The following TTC28 variants were observed in gnomAD, a reference collection of about 807,000 sequenced individuals.
TTC28 encodes the protein tetratricopeptide repeat domain 28, also known as tetratricopeptide repeat protein 28.
In TTC28, 61 loss-of-function variants were observed where a neutral mutation model predicts 198.0. That is an observed-to-expected ratio of 0.31 (90% CI 0.25 to 0.38). The LOEUF is 0.38. Among genes scored for constraint, TTC28 ranks in the 10% least tolerant of loss-of-function variants. The pLI is 1.00. For missense variants in TTC28, 2,678 were observed against 3,164.0 expected (o/e 0.85, Z 3.69); for synonymous variants, 1,171 against 1,297.8 (o/e 0.90, Z 2.10).
Position 28,507,397 on chromosome 22 carries a change from TATG to T in TTC28, c.381+122152_381+122154del, listed in dbSNP as rs1371246364. 7.9e-5 allele frequency among the ~76,000 whole-genome samples: 12 copies of T among 152,152 alleles called. No homozygotes were observed. The East Asian group carries it at 2.1e-3, about 27-fold the overall frequency. On this transcript the variant is annotated intron_variant, in intron 2 of 22. Transcript: ENST00000397906. The stretch of plus-strand genomic sequence containing the variant: ...AAAAAGGAACAAAACCTCAAAGAAA[TATG>T]ATATTATGTAAAGAGACTGAACCTA...
At chr22:28,082,332 T>A (rs1305909220) in intron 12 of TTC28, among the ~76,000 whole-genome samples, 1 of 152,234 alleles carries the variant, frequency 6.6e-6, no homozygotes, top group Non-Finnish European at 1.5e-5. Context: ...TTGTTCCTGG[T>A]CTTACATGAA....
intron 2 of TTC28, among the ~76,000 whole-genome samples, chr22:28,375,669 T>C (rs1284084752): frequency 1.3e-5 from 2 of 152,208 alleles, no homozygotes; most frequent in Non-Finnish European, 2.9e-5. Flanking sequence ...CCTAGAGAAC[T>C]GTAAAGCATT....
chr22:28,126,379 G>A (rs932376001), intron 6 of TTC28, among the ~76,000 whole-genome samples: 1 of 152,072 alleles, frequency 6.6e-6, no homozygotes, highest in African/African-American at 2.4e-5. Context: ...ACAATCTCAC[G>A]GTATTTGAGG....
chr22:28,588,332 A>T (rs932224969), intron 2 of TTC28, among the ~76,000 whole-genome samples: 23 of 152,352 alleles, frequency 1.5e-4, no homozygotes, highest in African/African-American at 4.1e-4. Flanking sequence ...TTAAAATTTT[A>T]AAACACCACA....
At chr22:28,376,938 C>T (rs962641002) in intron 2 of TTC28, among the ~76,000 whole-genome samples, 3 of 151,992 alleles carry the variant, frequency 2.0e-5, no homozygotes. Flanking sequence ...CTCATAGAAA[C>T]AGGAATGGTC....
At chr22:28,281,929 G>C (rs1478509424) in intron 5 of TTC28, among the ~76,000 whole-genome samples, 2 of 152,050 alleles carry the variant, frequency 1.3e-5, no homozygotes, top group South Asian at 2.1e-4. Context: ...CCCTTTACAG[G>C]ATTTCCCATC....
chr22:28,107,309 T>A lies in TTC28; in HGVS notation c.2536A>T (p.Asn846Tyr). 3.2e-6 allele frequency: 5 copies of A among 1,551,912 alleles called. No homozygotes were observed. Among genetic ancestry groups the A allele is most frequent in the Non-Finnish European group, 4.4e-6 (5 of 1,147,030 alleles). Residue 846 changes from asparagine to tyrosine, a missense_variant, in exon 7 of 23, where the codon AAC becomes TAC. By Grantham distance (143) the Asn-to-Tyr change is moderately radical. Around this residue, in one of 8 missense-constraint regions of TTC28, gnomAD observed 775 missense variants for 845.9 expected, o/e 0.92. Transcript: ENST00000397906. ...VYGNMGITKM[N>Y]MNVMEEAIGY... is the part of the protein sequence containing the mutation. ...ATGGCTTCTTCCATCACATTCATGT[T>A]CATCTTTGTGATGCCCATGTTGCCA...
At chr22:28,507,215 C>T (rs2048624256) in intron 2 of TTC28, among the ~76,000 whole-genome samples, 1 of 152,122 alleles carries the variant, frequency 6.6e-6, no homozygotes, top group South Asian at 2.1e-4. Flanking sequence ...AGAAACATAA[C>T]CAACCTGATG....
At chr22:28,677,658 C>T (rs767785951) in intron 1 of TTC28, among the ~76,000 whole-genome samples, 1 of 151,282 alleles carries the variant, frequency 6.6e-6, no homozygotes, top group Non-Finnish European at 1.5e-5. Flanking sequence ...AAAATAAGGC[C>T]AGGTGCCGTG....
At chr22:28,199,264 C>T (rs2147147913) in intron 5 of TTC28, among the ~76,000 whole-genome samples, 1 of 151,296 alleles carries the variant, frequency 6.6e-6, no homozygotes, top group East Asian at 1.9e-4. Flanking sequence ...ATACTATGCA[C>T]AGAAGAAATA....
At chr22:28,443,596 T>A (rs559923480) in intron 2 of TTC28, among the ~76,000 whole-genome samples, 1 of 152,064 alleles carries the variant, frequency 6.6e-6, no homozygotes, top group Admixed American at 6.5e-5. Context: ...CCAAGAACCT[T>A]AGTGGGGAAA....
intron 2 of TTC28, among the ~76,000 whole-genome samples, chr22:28,328,262 C>T (rs572640074): frequency 1.3e-5 from 2 of 151,738 alleles, no homozygotes; most frequent in African/African-American, 4.8e-5. Context: ...CAAGACCCCC[C>T]ACCTCTACAA....
intron 6 of TTC28, among the ~76,000 whole-genome samples, chr22:28,121,468 G>A (rs1214999565): frequency 6.6e-6 from 1 of 152,192 alleles, no homozygotes; most frequent in Non-Finnish European, 1.5e-5. Context: ...AACGAGTGAG[G>A]ACACTAAGGC....
chr22:28,234,997 A>G (rs2147238678), intron 5 of TTC28, among the ~76,000 whole-genome samples: 1 of 152,336 alleles, frequency 6.6e-6, no homozygotes, highest in East Asian at 1.9e-4. Context: ...TTTGATACGC[A>G]GAATTACGAG....
intron 2 of TTC28, among the ~76,000 whole-genome samples, chr22:28,586,263 A>G (rs2050316869): frequency 6.6e-6 from 1 of 151,220 alleles, no homozygotes. Context: ...TGGGCAACTG[A>G]GCGAGACTCC....
chr22:28,673,435 C>G (rs57071456), intron 1 of TTC28, among the ~76,000 whole-genome samples: 41,313 of 152,054 alleles, frequency 0.27, 5,840 homozygotes, highest in East Asian at 0.38. Context: ...AGCTTCCCCC[C>G]CTTACCTGGT....
chr22:28,246,550 C>T (rs1206036334), intron 5 of TTC28, among the ~76,000 whole-genome samples: 3 of 152,170 alleles, frequency 2.0e-5, no homozygotes, highest in Non-Finnish European at 4.4e-5. Context: ...TAGACCCTAG[C>T]ATAGCTGCAT....
At chr22:28,231,978 A>G (rs1218310072) in intron 5 of TTC28, among the ~76,000 whole-genome samples, 1 of 152,246 alleles carries the variant, frequency 6.6e-6, no homozygotes, top group Non-Finnish European at 1.5e-5. Context: ...AGTATCCAGC[A>G]GAGAGTTGGG....
intron 1 of TTC28, among the ~76,000 whole-genome samples, chr22:28,663,729 C>T (rs2051793666): frequency 7.1e-6 from 1 of 141,618 alleles, no homozygotes; most frequent in African/African-American, 2.7e-5. Flanking sequence ...GAGGGGCGCC[C>T]GCCATTGCCC....
Sources: allele counts gnomAD v4.1 joint callset (sites outside exome capture counted in the v4.1 genomes callset), GRCh38; gene constraint gnomAD v4.1.1; regional missense constraint gnomAD v4.1.1; transcripts MANE v1.5; gene names NCBI Gene and HGNC (gene_info 2026-07-23, HGNC 2026-07-21).